Variants in TBC1D5 observed in about 807,000 individuals in gnomAD.
TBC1D5 encodes TBC1 domain family member 5.
Under a neutral mutation model 100.3 loss-of-function variants are expected in TBC1D5, and 75 were observed. The ratio of observed to expected loss-of-function variants is 0.75; its 90% CI spans 0.62 to 0.91. The LOEUF is 0.91. Among genes scored for constraint, TBC1D5 ranks in the 40% least tolerant of loss-of-function variants. The probability of loss-of-function intolerance (pLI) is 0.00; values close to 1 mark genes in which losing one functional copy is unlikely to be tolerated. For missense variants in TBC1D5, 910 were observed against 942.4 expected (o/e 0.97, Z 0.45); for synonymous variants, 323 against 325.6 (o/e 0.99, Z 0.09).
chr3:17,626,244 A>G (rs943105554), intron 1 of TBC1D5, among the ~76,000 whole-genome samples: 5 of 152,216 alleles, frequency 3.3e-5, no homozygotes, highest in Non-Finnish European at 7.3e-5. Flanking sequence ...TTCTTCAACT[A>G]TAACTAAGTA....
At chr3:17,174,855 G>A (rs964187001) in intron 19 of TBC1D5, among the ~76,000 whole-genome samples, 1 of 152,150 alleles carries the variant, frequency 6.6e-6, no homozygotes, top group African/African-American at 2.4e-5. Flanking sequence ...GCCTCCTAAA[G>A]TGCTGGGATT....
chr3:17,261,879 A>G (rs2078334648), intron 15 of TBC1D5, among the ~76,000 whole-genome samples: 2 of 151,860 alleles, frequency 1.3e-5, no homozygotes, highest in Non-Finnish European at 2.9e-5. Flanking sequence ...ACTTTATAAA[A>G]ATATAATGAT....
intron 2 of TBC1D5, among the ~76,000 whole-genome samples, chr3:17,619,891 CT>C (rs2062506861): frequency 6.6e-6 from 1 of 152,204 alleles, no homozygotes. Context: ...TGGAAAGTTG[CT>C]CTTATACATA....
intron 2 of TBC1D5, among the ~76,000 whole-genome samples, chr3:17,530,662 T>C (rs2096209054): frequency 6.6e-6 from 1 of 152,204 alleles, no homozygotes; most frequent in African/African-American, 2.4e-5. Context: ...ATCCCTGGGA[T>C]GCAAGGCTGG....
At chr3:17,314,949 A>G (rs552582246) in intron 13 of TBC1D5, among the ~76,000 whole-genome samples, 9 of 152,350 alleles carry the variant, frequency 5.9e-5, no homozygotes, top group African/African-American at 2.2e-4. Flanking sequence ...TTTCTGATAC[A>G]GAAGATTTAA....
intron 1 of TBC1D5, among the ~76,000 whole-genome samples, chr3:17,649,179 G>A (rs1285699393): frequency 1.3e-5 from 2 of 152,124 alleles, no homozygotes; most frequent in African/African-American, 4.8e-5. Context: ...TCTTTTGTGG[G>A]AACATGGATG....
intron 19 of TBC1D5, among the ~76,000 whole-genome samples, chr3:17,176,968 GC>G (rs927100665): frequency 1.6e-4 from 24 of 152,168 alleles, no homozygotes; most frequent in South Asian, 6.2e-4. Flanking sequence ...CGCCAAGGCA[GC>G]CACTGGGGGC....
intron 3 of TBC1D5, among the ~76,000 whole-genome samples, chr3:17,434,936 A>G (rs2149450189): frequency 6.6e-6 from 1 of 152,272 alleles, no homozygotes; most frequent in South Asian, 2.1e-4. Flanking sequence ...ATCTCTCTCA[A>G]GTGCAAAGTT....
At chr3:17,278,010 TA>T (rs1279869454) in intron 15 of TBC1D5, among the ~76,000 whole-genome samples, 3 of 152,210 alleles carry the variant, frequency 2.0e-5, no homozygotes, top group African/African-American at 7.2e-5. Flanking sequence ...CAGAACCATC[TA>T]GAAAAAGTGT....
intron 17 of TBC1D5, among the ~76,000 whole-genome samples, chr3:17,215,407 G>A (rs2073517149): frequency 6.6e-6 from 1 of 152,072 alleles, no homozygotes; most frequent in African/African-American, 2.4e-5. Flanking sequence ...TCCAATTTTT[G>A]GCCTAAGCAA....
At position 17,428,537 on chromosome 3, in the gene TBC1D5, G is replaced by A. The variant is rs763953396; in HGVS notation, c.98-18C>T. 35 of 1,380,936 alleles carry A rather than the reference G, an allele frequency of 2.5e-5. No individual in the cohort carries two copies. The highest frequency in any genetic ancestry group is 1.6e-4 in the East Asian group (6 of 37,410). 85.5% of individuals were successfully genotyped at this position (1,380,936 alleles called of 1,614,324 possible). On this transcript the variant is annotated intron_variant, in intron 3 of 21. Coordinates refer to ENST00000253692, the Ensembl canonical transcript of TBC1D5. ...TGAATCTCCTGGAGAAAAAAATTAC[G>A]ACACTGAAATAATGGAGATAAACTG... is the stretch of plus-strand genomic sequence containing the variant.
chr3:17,371,096 T>C (rs530906208), intron 13 of TBC1D5, among the ~76,000 whole-genome samples: 1,502 of 145,756 alleles, frequency 0.01, 28 homozygotes, highest in African/African-American at 0.037. Flanking sequence ...CACACACACA[T>C]GCACACCCAC....
At chr3:17,736,250 C>T (rs1324183828) in intron 1 of TBC1D5, among the ~76,000 whole-genome samples, 1 of 151,916 alleles carries the variant, frequency 6.6e-6, no homozygotes, top group African/African-American at 2.4e-5. Flanking sequence ...CAGAGTGAGA[C>T]CTTGTCTCTA....
intron 1 of TBC1D5, among the ~76,000 whole-genome samples, chr3:17,717,529 T>A (rs892290162): frequency 1.1e-4 from 16 of 152,270 alleles, no homozygotes; most frequent in African/African-American, 3.8e-4. Flanking sequence ...CAAGCCACCA[T>A]CCCATGTACT....
At chr3:17,562,507 G>A in intron 2 of TBC1D5, among the ~76,000 whole-genome samples, 1 of 149,488 alleles carries the variant, frequency 6.7e-6, no homozygotes, top group African/African-American at 2.5e-5. Context: ...AAGACTGCAT[G>A]ACTTAAAACA....
At chr3:17,333,810 C>G (rs1484373088) in intron 13 of TBC1D5, among the ~76,000 whole-genome samples, 3 of 151,972 alleles carry the variant, frequency 2.0e-5, no homozygotes, top group African/African-American at 7.3e-5. Context: ...GTGCTAAGGT[C>G]CATTAGAAGC....
At chr3:17,279,249 G>T (rs192841450) in intron 15 of TBC1D5, among the ~76,000 whole-genome samples, 2 of 152,138 alleles carry the variant, frequency 1.3e-5, no homozygotes, top group Non-Finnish European at 2.9e-5. Flanking sequence ...CACAATAGTT[G>T]TTCATGGGTC....
intron 17 of TBC1D5, among the ~76,000 whole-genome samples, chr3:17,237,018 T>C (rs1323725839): frequency 1.3e-5 from 2 of 152,216 alleles, no homozygotes; most frequent in Non-Finnish European, 2.9e-5. Context: ...CCGATTTAAA[T>C]GGCACTATGT....
chr3:17,530,692 T>A (rs2096209306), intron 2 of TBC1D5, among the ~76,000 whole-genome samples: 1 of 152,190 alleles, frequency 6.6e-6, no homozygotes, highest in Non-Finnish European at 1.5e-5. Context: ...TGAAAATCAA[T>A]AAACATAATC....
Sources: allele counts gnomAD v4.1 joint callset (sites outside exome capture counted in the v4.1 genomes callset), GRCh38; gene constraint gnomAD v4.1.1; transcripts MANE v1.5; gene names NCBI Gene and HGNC (gene_info 2026-07-23, HGNC 2026-07-21).